The following PJA2 variants were observed in gnomAD, a reference collection of about 807,000 sequenced individuals.
PJA2 encodes E3 ubiquitin-protein ligase Praja-2.
PJA2 carries 25 observed loss-of-function variants against 69.3 expected under a neutral mutation model. The ratio of observed to expected loss-of-function variants is 0.36; its 90% CI spans 0.26 to 0.50. The LOEUF (loss-of-function observed/expected upper bound fraction) is 0.50. Among genes scored for constraint, PJA2 ranks in the 20% least tolerant of loss-of-function variants. The pLI is 0.96. For missense variants in PJA2, 809 were observed against 830.2 expected (o/e 0.97, Z 0.31); for synonymous variants, 308 against 277.8 (o/e 1.11, Z -1.08).
intron 1 of PJA2, among the ~76,000 whole-genome samples, chr5:109,404,450 C>T (rs777572329): frequency 2.6e-4 from 39 of 151,438 alleles, no homozygotes; most frequent in Non-Finnish European, 4.6e-4. Flanking sequence ...CCTGGGAGAC[C>T]GAGGTTGCAG....
At chr5:109,350,335 C>T (rs927982541) in intron 7 of PJA2, among the ~76,000 whole-genome samples, 5 of 150,780 alleles carry the variant, frequency 3.3e-5, no homozygotes, top group African/African-American at 4.9e-5. Flanking sequence ...AATGTATTTA[C>T]AATAGTTAGT....
intron 7 of PJA2, among the ~76,000 whole-genome samples, chr5:109,354,788 G>C (rs1337623976): frequency 6.7e-6 from 1 of 149,790 alleles, no homozygotes; most frequent in Non-Finnish European, 1.5e-5. Context: ...ATCAATATTA[G>C]ATAGGTACCT....
chr5:109,393,783 T>C (rs114494907), intron 1 of PJA2, among the ~76,000 whole-genome samples: 1,993 of 152,218 alleles, frequency 0.013, 48 homozygotes, highest in African/African-American at 0.043. Context: ...AAATGAACCA[T>C]AGCTACCCAC....
At chr5:109,341,861 C>G (rs1237223910) in intron 9 of PJA2, among the ~76,000 whole-genome samples, 22 of 107,764 alleles carry the variant, frequency 2.0e-4, no homozygotes, top group African/African-American at 6.0e-4. Flanking sequence ...GCCGCCCCGT[C>G]CGGGAGGGAG....
At chr5:109,358,188 G>A (rs76075011) in intron 6 of PJA2, among the ~76,000 whole-genome samples, 4,638 of 152,318 alleles carry the variant, frequency 0.03, 92 homozygotes, top group Middle Eastern at 0.048. Context: ...ACCGTTTACA[G>A]GAATGAGGGC....
intron 6 of PJA2, 144 bp from the exon 7 acceptor site, chr5:109,356,170 T>A (rs1039329670): frequency 2.2e-5 from 13 of 597,774 alleles, no homozygotes; most frequent in Admixed American, 1.4e-4. Flanking sequence ...TACCAACTTG[T>A]AGGGTTAGGG....
Position 109,379,264 on chromosome 5 carries a change from A to G in PJA2, c.233-10T>C. ...TCCAAAGGACTGGAACCTTCATAAA[A>G]AACAAAAGAAAACATATTTTAAAGG... is the stretch of plus-strand genomic sequence containing the variant. On this transcript the variant is annotated splice_polypyrimidine_tract_variant and intron_variant, in intron 3 of 9. Transcript: ENST00000361189. 1 of 1,535,912 alleles carries G rather than the reference A, an allele frequency of 6.5e-7. No homozygotes were observed. Among genetic ancestry groups the G allele is most frequent in the Non-Finnish European group, 8.8e-7 (1 of 1,136,606 alleles).
At chr5:109,343,003 G>A (rs1464528150) in intron 9 of PJA2, among the ~76,000 whole-genome samples, 3 of 100,352 alleles carry the variant, frequency 3.0e-5, no homozygotes, top group Non-Finnish European at 4.2e-5. Context: ...CGTCTGGGAG[G>A]TGTGCCCAAC....
intron 4 of PJA2, among the ~76,000 whole-genome samples, chr5:109,376,066 T>C (rs1746877773): frequency 6.6e-6 from 1 of 152,172 alleles, no homozygotes; most frequent in Non-Finnish European, 1.5e-5. Context: ...GAATTTATTC[T>C]ATGATTCTTT....
At chr5:109,376,869 T>C (rs528833213) in intron 4 of PJA2, among the ~76,000 whole-genome samples, 6 of 152,228 alleles carry the variant, frequency 3.9e-5, no homozygotes, top group African/African-American at 1.2e-4. Flanking sequence ...AACATAACTA[T>C]ATTTCTGCAG....
At chr5:109,353,084 A>G (rs1370524740) in intron 7 of PJA2, among the ~76,000 whole-genome samples, 1 of 145,826 alleles carries the variant, frequency 6.9e-6, no homozygotes, top group Non-Finnish European at 1.5e-5. Flanking sequence ...TATTATATCT[A>G]TAGACATCTA....
intron 1 of PJA2, among the ~76,000 whole-genome samples, chr5:109,405,807 C>G (rs1747674107): frequency 6.6e-6 from 1 of 152,072 alleles, no homozygotes; most frequent in African/African-American, 2.4e-5. Context: ...AAGAGTAAAT[C>G]TGCACAACTT....
intron 4 of PJA2, among the ~76,000 whole-genome samples, chr5:109,370,922 A>T (rs1179145534): frequency 2.0e-5 from 3 of 152,162 alleles, no homozygotes; most frequent in African/African-American, 7.2e-5. Flanking sequence ...TTTCCATATT[A>T]ATCAAATAAC....
Position 109,379,167 on chromosome 5 carries a change from G to A in PJA2, c.320C>T (p.Ser107Leu). ...KSETEIPTCG[S>L]ALNQTTESSQ... is the part of the protein sequence containing the mutation. Reference sequence around the variant, plus strand: ...GCTCTCAGTGGTTTGATTCAATGCTGAACCACAAGTGGGAATTTCTGTTTC... The same window carrying A: ...GCTCTCAGTGGTTTGATTCAATGCTAAACCACAAGTGGGAATTTCTGTTTC... The change falls in exon 4 of 10, where the codon TCA becomes TTA. Residue 107 changes from serine (S) to leucine (L), a missense_variant. Physicochemically the swap from Ser to Leu is moderately radical, Grantham distance 145. This residue lies in a region of PJA2 where 700 missense variants were observed against 639.5 expected (regional missense o/e 1.09). Transcript: ENST00000361189. 1 of 1,614,004 alleles carries A rather than the reference G, an allele frequency of 6.2e-7. No individual in the cohort carries two copies. The highest frequency in any genetic ancestry group is 8.5e-7 in the Non-Finnish European group (1 of 1,179,938).
chr5:109,342,158 G>GC (rs1762079812), intron 9 of PJA2, among the ~76,000 whole-genome samples: 1 of 107,270 alleles, frequency 9.3e-6, no homozygotes, highest in Non-Finnish European at 2.0e-5. Flanking sequence ...GGGGGGGTCA[G>GC]CCCCCCGCCC....
At position 109,344,208 on chromosome 5, in the gene PJA2, G is replaced by A. The variant is rs1356487257; in HGVS notation, c.1983C>T (p.Val661=). Residue 661 remains valine, a synonymous_variant, in exon 9 of 10, where the codon GTC becomes GTT. Transcript: ENST00000361189. ...CACTCACCTTTTGTAGCCAAATTGA[G>A]ACACAAGGTTTGTGAAAGAAATGGT... is the stretch of plus-strand genomic sequence containing the variant. ...PCHHFFHKPC[V]SIWLQKSGTC... The A allele has an allele frequency of 6.2e-7, 1 of 1,603,156 alleles. No individual in the cohort carries two copies. Among genetic ancestry groups the A allele is most frequent in the Non-Finnish European group, 8.5e-7 (1 of 1,174,330 alleles).
At chr5:109,340,610 T>A in intron 9 of PJA2, among the ~76,000 whole-genome samples, 1 of 110,904 alleles carries the variant, frequency 9.0e-6, no homozygotes, top group African/African-American at 3.6e-5. Context: ...GCTTAAGATT[T>A]ATTGGGTCCC....
intron 1 of PJA2, among the ~76,000 whole-genome samples, chr5:109,405,598 A>G (rs1649357704): frequency 6.6e-6 from 1 of 152,260 alleles, no homozygotes; most frequent in Non-Finnish European, 1.5e-5. Context: ...AGATTTACAT[A>G]TATGATCAAC....
intron 7 of PJA2, among the ~76,000 whole-genome samples, chr5:109,353,552 TATTAG>T (rs1762321139): frequency 7.0e-6 from 1 of 142,762 alleles, no homozygotes; most frequent in Non-Finnish European, 1.5e-5. Context: ...GATATCTATA[TATTAG>T]ATATCTATAA....
Sources: allele counts gnomAD v4.1 joint callset (sites outside exome capture counted in the v4.1 genomes callset), GRCh38; gene constraint gnomAD v4.1.1; regional missense constraint gnomAD v4.1.1; transcripts MANE v1.5; gene names NCBI Gene and HGNC (gene_info 2026-07-23, HGNC 2026-07-21).